Variants in DLC1 observed in about 807,000 individuals in gnomAD.
The protein encoded by DLC1 is DLC1 Rho GTPase activating protein, also known as rho GTPase-activating protein 7.
In DLC1, 54 loss-of-function variants were observed where a neutral mutation model predicts 140.3. The ratio of observed to expected loss-of-function variants is 0.38; its 90% CI spans 0.31 to 0.48. The LOEUF (loss-of-function observed/expected upper bound fraction) is 0.48, where lower values mean the gene tolerates loss of function less well. DLC1 is among the 20% of genes least tolerant of loss of function. The pLI is 0.96. For synonymous variants in DLC1, 986 were observed against 728.1 expected (o/e 1.35, Z -5.70); for missense variants, 2,536 against 1,907.0 (o/e 1.33, Z -6.14).
intron 4 of DLC1, among the ~76,000 whole-genome samples, chr8:13,350,718 A>AAATAAATAAAT (rs1563274782): frequency 5.9e-5 from 9 of 152,092 alleles, no homozygotes; most frequent in African/African-American, 1.9e-4. Flanking sequence ...TCGATCTTAA[A>AAATAAATAAAT]AAATAAATAA....
At chr8:13,294,441 G>A (rs566557864) in intron 5 of DLC1, among the ~76,000 whole-genome samples, 4 of 152,102 alleles carry the variant, frequency 2.6e-5, no homozygotes, top group Non-Finnish European at 5.9e-5. Flanking sequence ...ATATCATTTC[G>A]GAAAGCATGA....
intron 5 of DLC1, among the ~76,000 whole-genome samples, chr8:13,175,755 A>T (rs959390989): frequency 6.6e-6 from 1 of 152,150 alleles, no homozygotes; most frequent in Non-Finnish European, 1.5e-5. Flanking sequence ...AGATAATTCT[A>T]TGACATGCTT....
At chr8:13,328,463 A>G (rs1304230626) in intron 4 of DLC1, among the ~76,000 whole-genome samples, 6 of 152,178 alleles carry the variant, frequency 3.9e-5, no homozygotes, top group Non-Finnish European at 7.3e-5. Context: ...AGCTGAGAAG[A>G]TGAAAGTACC....
chr8:13,592,821 C>T (rs964649375), intron 1 of DLC1, among the ~76,000 whole-genome samples: 1 of 152,044 alleles, frequency 6.6e-6, no homozygotes, highest in Non-Finnish European at 1.5e-5. Context: ...TGTGGCTAAG[C>T]AATGATTTGT....
intron 4 of DLC1, among the ~76,000 whole-genome samples, chr8:13,344,218 C>T (rs1402824830): frequency 6.6e-5 from 10 of 152,136 alleles, no homozygotes; most frequent in Admixed American, 6.5e-4. Context: ...ATCAGCCTGG[C>T]CGTGGTGGTT....
intron 5 of DLC1, among the ~76,000 whole-genome samples, chr8:13,250,655 T>A (rs189612549): frequency 6.6e-6 from 1 of 152,164 alleles, no homozygotes; most frequent in African/African-American, 2.4e-5. Context: ...GAAAGTTCAG[T>A]GCATTGCTGT....
At chr8:13,140,764 T>G (rs777599038) in intron 5 of DLC1, among the ~76,000 whole-genome samples, 4 of 152,168 alleles carry the variant, frequency 2.6e-5, no homozygotes, top group African/African-American at 4.8e-5. Context: ...CTTAAGTAGT[T>G]TTTCCTATAG....
At chr8:13,567,075 T>C (rs542490022) in intron 1 of DLC1, 15 of 1,551,772 alleles carry the variant, frequency 9.7e-6, no homozygotes, top group Non-Finnish European at 1.3e-5. Flanking sequence ...TGAAGAACTC[T>C]ACTGATGAGG....
intron 1 of DLC1, chr8:13,567,749 G>A: frequency 1.9e-6 from 3 of 1,552,014 alleles, no homozygotes; most frequent in Non-Finnish European, 2.6e-6. Flanking sequence ...GACTTTCCCA[G>A]GCTTTCAGAT....
chr8:13,202,656 A>G (rs1192073337), intron 5 of DLC1, among the ~76,000 whole-genome samples: 2 of 148,286 alleles, frequency 1.3e-5, no homozygotes, highest in African/African-American at 5.0e-5. Flanking sequence ...AGTTCCCCCC[A>G]CCTTTAATTT....
intron 5 of DLC1, among the ~76,000 whole-genome samples, chr8:13,212,310 C>T (rs1211326735): frequency 6.6e-6 from 1 of 152,094 alleles, no homozygotes; most frequent in East Asian, 1.9e-4. Context: ...TATGTTAGGT[C>T]CATGTGTGCG....
intron 2 of DLC1, among the ~76,000 whole-genome samples, chr8:13,463,172 A>G (rs1320338796): frequency 6.6e-6 from 1 of 151,984 alleles, no homozygotes; most frequent in Non-Finnish European, 1.5e-5. Context: ...AGGGAACTAC[A>G]CAACAGACTT....
chr8:13,554,676 T>G (rs1803979583), intron 1 of DLC1, among the ~76,000 whole-genome samples: 1 of 152,160 alleles, frequency 6.6e-6, no homozygotes, highest in African/African-American at 2.4e-5. Context: ...TGAAATATGG[T>G]CCTTTCTTAC....
At chr8:13,462,996 G>A (rs992858) in intron 2 of DLC1, among the ~76,000 whole-genome samples, 3 of 151,972 alleles carry the variant, frequency 2.0e-5, no homozygotes, top group Admixed American at 6.6e-5. Flanking sequence ...TAAAACTTTG[G>A]AATCACAGGC....
chr8:13,123,138 T>G (rs9325866), intron 5 of DLC1, among the ~76,000 whole-genome samples: 62,477 of 151,946 alleles, frequency 0.41, 15,052 homozygotes, highest in African/African-American at 0.66. Context: ...TAAGGGCTAT[T>G]GCAAGGTCCA....
intron 4 of DLC1, among the ~76,000 whole-genome samples, chr8:13,312,385 A>AAAAAAAAAT (rs1832709301): frequency 7.0e-6 from 1 of 142,588 alleles, no homozygotes; most frequent in African/African-American, 2.6e-5. Flanking sequence ...AAAAAAAAAA[A>AAAAAAAAAT]AAATAATTTC....
intron 5 of DLC1, among the ~76,000 whole-genome samples, chr8:13,288,427 G>C (rs924711904): frequency 1.1e-4 from 17 of 152,116 alleles, no homozygotes; most frequent in Non-Finnish European, 2.2e-4. Context: ...TCAAACTCTA[G>C]CCTCCAGCTG....
intron 5 of DLC1, among the ~76,000 whole-genome samples, chr8:13,292,101 T>A (rs1831778791): frequency 6.6e-6 from 1 of 152,210 alleles, no homozygotes; most frequent in Non-Finnish European, 1.5e-5. Context: ...TGCAGTTTTT[T>A]TGTTTTGTTT....
At position 13,342,930 on chromosome 8, in the gene DLC1, G is replaced by A. The variant is rs999326576; in HGVS notation, c.1315-37628C>T. On this transcript the variant is annotated intron_variant, in intron 4 of 17. Transcript: ENST00000276297. The stretch of plus-strand genomic sequence containing the variant: ...ATACAACATACATCAATGACAAGAC[G>A]AATTAGCTGCAGTTGTTTGACTTCA... Among the ~76,000 whole-genome samples, 6 of 151,774 alleles carry A rather than the reference G, an allele frequency of 4.0e-5. No individual in the cohort carries two copies. In the East Asian group the frequency reaches 9.7e-4, roughly 25 times the overall value.
Sources: allele counts gnomAD v4.1 joint callset (sites outside exome capture counted in the v4.1 genomes callset), GRCh38; gene constraint gnomAD v4.1.1; transcripts MANE v1.5; gene names NCBI Gene and HGNC (gene_info 2026-07-23, HGNC 2026-07-21).